PTPRU: variants seen among roughly 807,000 people sequenced by gnomAD.
PTPRU encodes the protein receptor-type tyrosine-protein phosphatase U.
PTPRU carries 69 observed loss-of-function variants against 166.3 expected under a neutral mutation model. That is an observed-to-expected ratio of 0.41 (90% CI 0.34 to 0.51). The LOEUF (loss-of-function observed/expected upper bound fraction) is 0.51. Among genes scored for constraint, PTPRU ranks in the 20% least tolerant of loss-of-function variants. The pLI is 0.09. For missense variants in PTPRU, 1,657 were observed against 2,013.7 expected (o/e 0.82, Z 3.39); for synonymous variants, 793 against 814.0 (o/e 0.97, Z 0.44).
chr1:29,267,880 G>A (rs1685373553), intron 7 of PTPRU, among the ~76,000 whole-genome samples: 1 of 152,242 alleles, frequency 6.6e-6, no homozygotes, highest in Non-Finnish European at 1.5e-5. Context: ...TTAAGAGGTG[G>A]TGATGGCTGG....
At chr1:29,259,600 T>TGGTGGGGGGGGGGGGGGGG in intron 5 of PTPRU, 36 bp downstream of exon 5, 1 of 253,696 alleles carries the variant, frequency 3.9e-6, no homozygotes, top group Non-Finnish European at 7.7e-6. Flanking sequence ...GGGGGCGGGG[T>TGGTGGGGGGGGGGGGGGGG]GGGAGGGGGT....
At position 29,312,443 on chromosome 1, in the gene PTPRU, G is replaced by T. The variant is rs1687708296; in HGVS notation, c.3073-109G>T. 3.7e-6 allele frequency: 4 copies of T among 1,068,804 alleles called. No individual in the cohort carries two copies. In the South Asian group the frequency reaches 9.1e-5, roughly 24 times the overall value. 66.2% of individuals were successfully genotyped at this position (1,068,804 alleles called of 1,614,324 possible). ...ATCAGTAAATTGATCATTGGGATTA[G>T]TTGAGATTATACAATGAGATGCTTA... is the stretch of plus-strand genomic sequence containing the variant. On this transcript the variant is annotated intron_variant, in intron 21 of 29. Transcript: ENST00000373779.
At chr1:29,274,601 G>A (rs955594335) in intron 7 of PTPRU, among the ~76,000 whole-genome samples, 9 of 152,000 alleles carry the variant, frequency 5.9e-5, no homozygotes, top group Non-Finnish European at 1.3e-4. Context: ...TCATTACCCT[G>A]ATTTCTGTAT....
rs200968040 is a variant in PTPRU, at chr1:29,292,015, A to G, written c.2465A>G (p.Tyr822Cys). ...CTGTCCTTCATGGACACCCATGGCT[A>G]CAGCACCCGGGGTGAGTGCCCGGCC... ...LGLSFMDTHG[Y>C]STRGDQRSGG... The change falls in exon 15 of 30, where the codon TAC (tyrosine) becomes TGC (cysteine). Residue 822 changes from tyrosine to cysteine, a missense_variant. Tyr to Cys is a radical substitution (Grantham distance 194). This residue lies in a region of PTPRU where 1,190 missense variants were observed against 1,477.4 expected (regional missense o/e 0.81). Transcript: ENST00000373779. The G allele has an allele frequency of 3.7e-6, 6 of 1,614,076 alleles. No individual in the cohort carries two copies. Among genetic ancestry groups the G allele is most frequent in the East Asian group, 2.2e-5 (1 of 44,870 alleles).
In PTPRU at chr1:29,325,593, C is replaced by G. The variant is rs995979445; in HGVS notation, c.4249-6C>G. 16 of 1,608,798 alleles carry G rather than the reference C, an allele frequency of 9.9e-6. No individual in the cohort carries two copies. In the African/African-American group the frequency reaches 2.1e-4, roughly 22 times the overall value. On this transcript the variant is annotated splice_polypyrimidine_tract_variant and splice_region_variant and intron_variant, in intron 29 of 29. Transcript: ENST00000373779. ...CATGATTCCCTCCCTCTCTTCCTCT[C>G]CCCAGGATCAGTACCACTTTTGCTA...
chr1:29,324,822 T>G (rs1227050209), intron 28 of PTPRU, among the ~76,000 whole-genome samples: 1 of 150,898 alleles, frequency 6.6e-6, no homozygotes, highest in Non-Finnish European at 1.5e-5. Context: ...CCCGCCCTTC[T>G]GAGTTCCCTA....
At chr1:29,289,017 C>G (rs1686493202) in intron 14 of PTPRU, among the ~76,000 whole-genome samples, 3 of 151,992 alleles carry the variant, frequency 2.0e-5, no homozygotes, top group Admixed American at 2.0e-4. Context: ...AGGGTGGGCC[C>G]TAGTTGTGTC....
chr1:29,255,364 C>G lies in PTPRU; in HGVS notation c.163C>G (p.Arg55Gly), dbSNP rs146941816. ...CGATGACTTCCAGTGGGAGCAAGTG[C>G]GAATCCACCCTGGCACCCGGGCACC... ...QYDDFQWEQV[R>G]IHPGTRAPAD... The change falls in exon 2 of 30, where the codon CGA becomes GGA. Residue 55 changes from arginine to glycine, a missense_variant. Arg to Gly is a moderately radical substitution (Grantham distance 125). Around this residue, in one of 3 missense-constraint regions of PTPRU, gnomAD observed 453 missense variants for 496.9 expected, o/e 0.91. Transcript: ENST00000373779. The G allele has an allele frequency of 2.5e-5, 41 of 1,614,146 alleles. No individual in the cohort carries two copies. Among genetic ancestry groups the G allele is most frequent in the Non-Finnish European group, 3.5e-5 (41 of 1,180,004 alleles).
At chr1:29,305,045 C>A (rs1360441924) in intron 17 of PTPRU, among the ~76,000 whole-genome samples, 196 bp downstream of exon 17, 1 of 152,202 alleles carries the variant, frequency 6.6e-6, no homozygotes, top group Non-Finnish European at 1.5e-5. Flanking sequence ...ACGGGAAATA[C>A]TATAATCCCT....
rs1017300014 is a variant in PTPRU at position 29,320,358 on chromosome 1, G to A, written c.3688-327G>A. 5 of 256,988 alleles carry A rather than the reference G, an allele frequency of 1.9e-5. No homozygotes were observed. The highest frequency in any genetic ancestry group is 2.9e-5 in the Non-Finnish European group (4 of 136,184). 15.9% of individuals were successfully genotyped at this position (256,988 alleles called of 1,614,324 possible). On this transcript the variant is annotated intron_variant, in intron 25 of 29. Transcript: ENST00000373779. The surrounding 1 kb of genome is among the most constrained non-coding windows in gnomAD (Gnocchi z 5.2). ...CTAGGCAGCCAAAATAGCAGATGCCGAAGCGCGGAGGCAGGGAGTAAGCTC... is the reference window on the plus strand; with the variant it reads ...CTAGGCAGCCAAAATAGCAGATGCCAAAGCGCGGAGGCAGGGAGTAAGCTC...
At chr1:29,276,535 C>T (rs1685814105) in intron 8 of PTPRU, among the ~76,000 whole-genome samples, 1 of 152,138 alleles carries the variant, frequency 6.6e-6, no homozygotes, top group African/African-American at 2.4e-5. Context: ...CCAGGCTGGT[C>T]TCGAACTCCT....
chr1:29,307,000 GTCTCCGCTCT>G (rs1687421348), intron 18 of PTPRU: 1 of 1,049,880 alleles, frequency 9.5e-7, no homozygotes, highest in Non-Finnish European at 1.4e-6. Flanking sequence ...CGGCCTGCCC[GTCTCCGCTCT>G]GCCTGCCCTG....
At chr1:29,318,209 C>T (rs547415039) in intron 25 of PTPRU, among the ~76,000 whole-genome samples, 3 of 152,300 alleles carry the variant, frequency 2.0e-5, no homozygotes, top group South Asian at 4.1e-4. Context: ...ATTCAGGGGA[C>T]TTTGGCTGGG....
rs557330289 is a variant in PTPRU, at chr1:29,246,885, G to C, written c.74-8390G>C. 2.0e-5 allele frequency among the ~76,000 whole-genome samples: 3 copies of C among 152,164 alleles called. No individual in the cohort carries two copies. In the Middle Eastern group the frequency reaches 0.01, roughly 518 times the overall value. The stretch of plus-strand genomic sequence containing the variant: ...CCTGCCTCGGCCTCTCAAAGTGCTG[G>C]GATTACGGGCATGAGCTACTGCGCC... On this transcript the variant is annotated intron_variant, in intron 1 of 29. Transcript: ENST00000373779.
In PTPRU at chr1:29,279,206, T is replaced by C. The variant is rs1574653286; in HGVS notation, c.1563+85T>C. ...TTCTCTCTGCTGCTACAGTAGGAGG[T>C]GCATGGGAGGACAGATGTGATTGTC... is the stretch of plus-strand genomic sequence containing the variant. On this transcript the variant is annotated intron_variant, in intron 9 of 29. Transcript: ENST00000373779. This position sits in a 1 kb window ranked among gnomAD's most constrained non-coding sequence, Gnocchi z 5.2. 2 of 1,201,128 alleles carry C rather than the reference T, an allele frequency of 1.7e-6. No homozygotes were observed. The highest frequency in any genetic ancestry group is 2.0e-5 in the Admixed American group (1 of 49,182). 74.4% of individuals were successfully genotyped at this position (1,201,128 alleles called of 1,614,324 possible). A position where few individuals can be genotyped will look rare whatever the true frequency, so the allele number is the denominator to read the frequency against.
In PTPRU at chr1:29,304,045, G is replaced by A; in HGVS notation, c.2667G>A (p.Glu889=). The part of the protein sequence containing the change: ...AEGYGFKQEY[E]SFFEGWDATK... The stretch of plus-strand genomic sequence containing the variant: ...GTTACGGCTTCAAGCAGGAGTATGA[G>A]GTGCACGCCGGCCCCGGGCCAGCAG... Residue 889 remains glutamate (E), a splice_region_variant and synonymous_variant, in exon 16 of 30, where the codon GAG becomes GAA. Coordinates refer to ENST00000373779, the MANE Select transcript of PTPRU (RefSeq NM_133178.4). 6.3e-7 allele frequency: 1 copy of A among 1,599,340 alleles called. No individual in the cohort carries two copies. Among genetic ancestry groups the A allele is most frequent in the Non-Finnish European group, 8.6e-7 (1 of 1,169,536 alleles).
In PTPRU at chr1:29,284,793, A is replaced by G; in HGVS notation, c.2242A>G (p.Ile748Val). The G allele has an allele frequency of 6.2e-7, 1 of 1,613,988 alleles. No individual in the cohort carries two copies. The highest frequency in any genetic ancestry group is 1.3e-5 in the African/African-American group (1 of 74,996). Residue 748 changes from isoleucine to valine, a missense_variant, in exon 14 of 30, where the codon ATC (isoleucine) becomes GTC (valine). By Grantham distance (29) the Ile-to-Val change is conservative. Coordinates refer to ENST00000373779, the MANE Select transcript of PTPRU (RefSeq NM_133178.4). ...VSQRSEEMGL[I>V]LGICAGGLAV... ...CCAGAGATCGGAGGAGATGGGGCTT[A>G]TCCTGGGCATCTGTGCAGGGGGGCT...
intron 15 of PTPRU, among the ~76,000 whole-genome samples, chr1:29,293,459 T>C (rs1436255823): frequency 1.3e-5 from 2 of 149,426 alleles, no homozygotes; most frequent in South Asian, 4.3e-4. Flanking sequence ...TTTCCTACCT[T>C]TTTCGGGGGT....
Position 29,279,332 on chromosome 1 carries a change from T to C in PTPRU, c.1564-124T>C. 1 of 1,160,586 alleles carries C rather than the reference T, an allele frequency of 8.6e-7. No homozygotes were observed. 71.9% of individuals were successfully genotyped at this position (1,160,586 alleles called of 1,614,324 possible). ...GAAGATGACTAGAAGCCTGGCTTGA[T>C]GGCATCCATAGTCTCCTTTGCTTAG... On this transcript the variant is annotated intron_variant, in intron 9 of 29. Coordinates refer to ENST00000373779, the MANE Select transcript of PTPRU (RefSeq NM_133178.4). This position sits in a 1 kb window ranked among gnomAD's most constrained non-coding sequence, Gnocchi z 5.2.
Sources: allele counts gnomAD v4.1 joint callset (sites outside exome capture counted in the v4.1 genomes callset), GRCh38; gene constraint gnomAD v4.1.1; regional missense constraint gnomAD v4.1.1; non-coding constraint Gnocchi (gnomAD v3.1); transcripts MANE v1.5; gene names NCBI Gene and HGNC (gene_info 2026-07-23, HGNC 2026-07-21).